The following NGEF variants were observed in gnomAD, a reference collection of about 807,000 sequenced individuals.
The protein encoded by NGEF is neuronal guanine nucleotide exchange factor.
In NGEF, 31 loss-of-function variants were observed where a neutral mutation model predicts 80.9. That is an observed-to-expected ratio of 0.38 (90% CI 0.29 to 0.52). NGEF has a LOEUF of 0.52. NGEF is among the 20% of genes least tolerant of loss of function. The probability of loss-of-function intolerance (pLI) is 0.84; values close to 1 mark genes in which losing one functional copy is unlikely to be tolerated. For missense variants in NGEF, 709 were observed against 926.2 expected (o/e 0.77, Z 3.04); for synonymous variants, 371 against 370.2 (o/e 1.00, Z -0.03).
chr2:232,999,845 A>C (rs974081454), intron 1 of NGEF, among the ~76,000 whole-genome samples: 2 of 152,222 alleles, frequency 1.3e-5, no homozygotes, highest in Admixed American at 6.5e-5. Context: ...AATTCTAGTC[A>C]TTGGGTCATT....
At chr2:232,970,088 G>A (rs553060699) in intron 3 of NGEF, 126 bp downstream of exon 3, 10 of 438,070 alleles carry the variant, frequency 2.3e-5, no homozygotes, top group South Asian at 2.0e-4. Context: ...TTTTTAGCAC[G>A]GGCAACCAAA....
intron 5 of NGEF, among the ~76,000 whole-genome samples, chr2:232,900,938 G>A (rs550007874): frequency 3.9e-5 from 6 of 152,320 alleles, no homozygotes; most frequent in South Asian, 4.1e-4. Context: ...GGGTGGTGAC[G>A]TCCGGCGGCC....
At chr2:232,889,825 GCT>G (rs1412088683) in intron 8 of NGEF, among the ~76,000 whole-genome samples, 2 of 152,108 alleles carry the variant, frequency 1.3e-5, no homozygotes, top group East Asian at 3.9e-4. Flanking sequence ...CTGTAATTCT[GCT>G]CTTTCTGGAG....
chr2:232,949,873 G>C (rs1348568681), intron 3 of NGEF, among the ~76,000 whole-genome samples: 1 of 151,196 alleles, frequency 6.6e-6, no homozygotes, highest in East Asian at 1.9e-4. Context: ...GTGCAGTGGT[G>C]CCATCTCGGC....
At chr2:232,988,030 T>G (rs1694568602) in intron 1 of NGEF, among the ~76,000 whole-genome samples, 1 of 133,830 alleles carries the variant, frequency 7.5e-6, no homozygotes, top group South Asian at 2.5e-4. Flanking sequence ...CTGGAAGGGA[T>G]GGTCTCGTGT....
Position 232,970,294 on chromosome 2 carries a change from G to A in NGEF, c.303C>T (p.Pro101=). ...TGCTCCAGGGGATATTCAAGGTCAG[G>A]GGCTCATTTACAGATTTTCCATTGT... ...SQDNGKSVNE[P]LTLNIPWSRM... is the part of the protein sequence containing the mutation. Residue 101 remains proline (P), a synonymous_variant, in exon 3 of 15, where the codon CCC becomes CCT. Transcript: ENST00000264051. 1.2e-5 allele frequency: 20 copies of A among 1,603,912 alleles called. No homozygotes were observed. The highest frequency in any genetic ancestry group is 1.7e-5 in the Non-Finnish European group (20 of 1,176,574).
rs1691643568 is a variant in NGEF at position 232,885,351 on chromosome 2, C to T, written c.1366G>A (p.Glu456Lys). ...ELEMVVKACN[E>K]GVRKMSRTEQ... ...GTGCGGCTCATTTTCCTGACGCCCT[C>T]GTTGCATGCCTTCACCACCTGGGAC... Residue 456 changes from glutamate to lysine, a missense_variant, in exon 10 of 15, where the codon GAG becomes AAG. Physicochemically the swap from Glu to Lys is moderately conservative, Grantham distance 56 (BLOSUM62 1). This residue lies in a region of NGEF where 426 missense variants were observed against 622.9 expected (regional missense o/e 0.68). Coordinates refer to ENST00000264051, the MANE Select transcript of NGEF (RefSeq NM_019850.3). 1.2e-6 allele frequency: 2 copies of T among 1,614,112 alleles called. No individual in the cohort carries two copies. Among genetic ancestry groups the T allele is most frequent in the East Asian group, 2.2e-5 (1 of 44,866 alleles).
chr2:232,884,366 CGT>C (rs1553543916), intron 10 of NGEF, among the ~76,000 whole-genome samples: 1 of 152,110 alleles, frequency 6.6e-6, no homozygotes, highest in Non-Finnish European at 1.5e-5. Flanking sequence ...GTGTGCTATG[CGT>C]GTGTGTGCTG....
At position 232,897,015 on chromosome 2, in the gene NGEF, C is replaced by T. The variant is rs1298842750; in HGVS notation, c.829-2099G>A. On this transcript the variant is annotated intron_variant, in intron 5 of 14. Coordinates refer to ENST00000264051, the MANE Select transcript of NGEF (RefSeq NM_019850.3). ...GTAGGGGTGCGGGTGAGGGTAGGGGCGAGTGTGGGGGTAGGAGTGGGGGTG... is the reference window on the plus strand; with the variant it reads ...GTAGGGGTGCGGGTGAGGGTAGGGGTGAGTGTGGGGGTAGGAGTGGGGGTG... Among the ~76,000 whole-genome samples, 73 of 102,184 alleles carry T rather than the reference C, an allele frequency of 7.1e-4. 1 individual carries two copies. The highest frequency in any genetic ancestry group is 1.5e-3 in the South Asian group (4 of 2,596). The allele number at this position is 102,184 out of a possible 152,430, so 67.0% of individuals were successfully genotyped here. A position where few individuals can be genotyped will look rare whatever the true frequency, so the allele number is the denominator to read the frequency against.
intron 5 of NGEF, chr2:232,901,335 G>T: frequency 3.1e-6 from 3 of 982,566 alleles, no homozygotes; most frequent in Non-Finnish European, 2.4e-6. Context: ...GCTCGAGGCT[G>T]CGCGATTTCT....
At chr2:232,979,357 TACACACACACACAC>T (rs375393249) in intron 1 of NGEF, among the ~76,000 whole-genome samples, 1 of 110,348 alleles carries the variant, frequency 9.1e-6, no homozygotes, top group Non-Finnish European at 1.8e-5. Context: ...GAGATGATTT[TACACACACACACAC>T]ACACACACAC....
intron 5 of NGEF, among the ~76,000 whole-genome samples, chr2:232,897,871 G>C (rs886814562): frequency 2.0e-5 from 3 of 151,900 alleles, no homozygotes; most frequent in Non-Finnish European, 4.4e-5. Flanking sequence ...GGTCAGAGAC[G>C]AGACGCTGAA....
intron 10 of NGEF, among the ~76,000 whole-genome samples, chr2:232,884,768 T>C (rs767018972): frequency 5.9e-5 from 9 of 152,166 alleles, no homozygotes; most frequent in Non-Finnish European, 1.3e-4. Context: ...CTAGTGGGGC[T>C]CAGCTCCCAA....
intron 3 of NGEF, among the ~76,000 whole-genome samples, chr2:232,932,304 A>C (rs1453947001): frequency 6.6e-6 from 1 of 151,628 alleles, no homozygotes; most frequent in African/African-American, 2.4e-5. Context: ...AGCTGGGATT[A>C]AAGGTGCGCA....
intron 2 of NGEF, among the ~76,000 whole-genome samples, chr2:232,973,052 C>T (rs891060827): frequency 5.9e-5 from 9 of 152,030 alleles, no homozygotes; most frequent in Non-Finnish European, 4.4e-5. Flanking sequence ...CCACTGCACC[C>T]GGCCGTCCTT....
Position 232,894,901 on chromosome 2 carries a change from C to A in NGEF, c.844G>T (p.Val282Phe), listed in dbSNP as rs779792421. The change falls in exon 6 of 15, where the codon GTC (valine) becomes TTC (phenylalanine). Residue 282 changes from valine to phenylalanine, a missense_variant. Val to Phe is a conservative substitution (Grantham distance 50). This residue lies in a region of NGEF where 426 missense variants were observed against 622.9 expected (regional missense o/e 0.68). Transcript: ENST00000264051. ...IKLQEAMFEL[V>F]TSEASYYKSL... ...TTGTAGTAGGACGCCTCGGAAGTGA[C>A]CAGCTCGAACATGGCCTGTAGCAGG... 2 of 1,592,482 alleles carry A rather than the reference C, an allele frequency of 1.3e-6. No homozygotes were observed. Among genetic ancestry groups the A allele is most frequent in the Non-Finnish European group, 8.6e-7 (1 of 1,163,202 alleles).
chr2:232,979,759 A>G (rs1373666418), intron 1 of NGEF, among the ~76,000 whole-genome samples: 1 of 151,900 alleles, frequency 6.6e-6, no homozygotes, highest in Non-Finnish European at 1.5e-5. Context: ...GTCTGTCCAC[A>G]TTCCCTCCTT....
At chr2:232,990,377 T>G (rs1023571075) in intron 1 of NGEF, among the ~76,000 whole-genome samples, 2 of 152,122 alleles carry the variant, frequency 1.3e-5, no homozygotes, top group African/African-American at 4.8e-5. Context: ...AGCTTGCATA[T>G]TTAGAGAAGC....
chr2:232,948,201 T>G (rs2106303268), intron 3 of NGEF, among the ~76,000 whole-genome samples: 1 of 150,914 alleles, frequency 6.6e-6, no homozygotes, highest in East Asian at 1.9e-4. Flanking sequence ...TTATTATTAG[T>G]TTTTTGAGAC....
Sources: allele counts gnomAD v4.1 joint callset (sites outside exome capture counted in the v4.1 genomes callset), GRCh38; gene constraint gnomAD v4.1.1; regional missense constraint gnomAD v4.1.1; transcripts MANE v1.5; gene names NCBI Gene and HGNC (gene_info 2026-07-23, HGNC 2026-07-21).